The following DENND2B variants were observed in gnomAD, a reference collection of about 807,000 sequenced individuals.
DENND2B encodes DENN domain-containing protein 2B.
A neutral mutation model predicts 116.0 loss-of-function variants in DENND2B; 32 were observed. The observed-to-expected ratio is 0.28, with a 90% CI of 0.21 to 0.37. The LOEUF is 0.37. Ranked by LOEUF, DENND2B falls within the 10% of genes least tolerant of loss-of-function variation. The pLI, the probability that DENND2B is intolerant of heterozygous loss-of-function variation, is 1.00. For missense variants in DENND2B, 1,276 were observed against 1,477.7 expected, an observed-to-expected ratio of 0.86 and a Z score of 2.24; for synonymous variants, 588 against 583.9, an observed-to-expected ratio of 1.01 and a Z score of -0.10.
chr11:8,748,903 C>G (rs773449274), intron 2 of DENND2B, among the ~76,000 whole-genome samples: 2 of 152,074 alleles, frequency 1.3e-5, no homozygotes, highest in Non-Finnish European at 2.9e-5. Context: ...CCTCCCACCC[C>G]TCTACCCCAT....
intron 2 of DENND2B, among the ~76,000 whole-genome samples, chr11:8,866,281 C>CT (rs2063578839): frequency 6.6e-6 from 1 of 152,176 alleles, no homozygotes; most frequent in South Asian, 2.1e-4. Context: ...TTTCTAAGCT[C>CT]TTAGCTATCT....
At chr11:8,791,718 A>T (rs2059395619) in intron 1 of DENND2B, among the ~76,000 whole-genome samples, 1 of 151,776 alleles carries the variant, frequency 6.6e-6, no homozygotes, top group Non-Finnish European at 1.5e-5. Flanking sequence ...ATGAGCTGAG[A>T]TCATGCCACT....
chr11:8,801,631 C>T (rs555413526), intron 1 of DENND2B, among the ~76,000 whole-genome samples: 2 of 149,314 alleles, frequency 1.3e-5, no homozygotes, highest in South Asian at 2.1e-4. Context: ...GAGCCGAGAT[C>T]GTGCCATTTC....
chr11:8,702,600 G>T lies in DENND2B; in HGVS notation c.2692C>A (p.Arg898=). 1 of 1,613,378 alleles carries T rather than the reference G, an allele frequency of 6.2e-7. No individual in the cohort carries two copies. ...RIFASLLLER[R]VIFVADKLST... ...AGCTTATCTGCCACAAAAATGACCC[G>T]GCGCTCCAGCAGCAGTGAGGCAAAG... Residue 898 remains arginine (R), a synonymous_variant, in exon 14 of 20, where the codon CGG becomes AGG. Coordinates refer to ENST00000313726, the MANE Select transcript of DENND2B (RefSeq NM_213618.2). This position sits in a 1 kb window ranked among gnomAD's most constrained non-coding sequence, Gnocchi z 4.6.
In DENND2B at chr11:8,710,807, C is replaced by T. The variant is rs368557551; in HGVS notation, c.2352+38G>A. 1.9e-6 allele frequency: 3 copies of T among 1,593,908 alleles called. No homozygotes were observed. The South Asian group carries it at 3.3e-5, about 18-fold the overall frequency. ...CACACACACACACCCTGGCCTATCC[C>T]CTGCCTGCTGGCCTGAGGACCGAAT... On this transcript the variant is annotated intron_variant, in intron 11 of 19. Transcript: ENST00000313726.
rs1229923755 is a variant in DENND2B, at chr11:8,712,196, T to C, written c.2172+355A>G. Among the ~76,000 whole-genome samples the C allele has an allele frequency of 2.6e-5, 4 of 152,208 alleles. No individual in the cohort carries two copies. In the East Asian group the frequency reaches 7.7e-4, roughly 29 times the overall value. Reference sequence around the variant, plus strand: ...GGTGCAGAGTTTCTCTTTGGGGTGATAAAAATGTTCTAAAATTGACTGTGG... The same window carrying C: ...GGTGCAGAGTTTCTCTTTGGGGTGACAAAAATGTTCTAAAATTGACTGTGG... On this transcript the variant is annotated intron_variant, in intron 9 of 19. Coordinates refer to ENST00000313726, the MANE Select transcript of DENND2B (RefSeq NM_213618.2). The surrounding 1 kb of genome is among the most constrained non-coding windows in gnomAD (Gnocchi z 4.4).
chr11:8,696,809 G>T, intron 17 of DENND2B, 143 bp from the exon 18 acceptor site: 1 of 1,336,906 alleles, frequency 7.5e-7, no homozygotes, highest in Non-Finnish European at 1.0e-6. Context: ...TTGAGACCGA[G>T]TTTCACTCTT....
chr11:8,825,266 TA>T (rs1338854887), intron 4 of DENND2B, among the ~76,000 whole-genome samples: 7 of 152,226 alleles, frequency 4.6e-5, no homozygotes, highest in Admixed American at 2.0e-4. Context: ...TGCATTTCTC[TA>T]ATGATCAGTG....
At position 8,843,078 on chromosome 11, in the gene DENND2B, G is replaced by A. The variant is rs567637171; in HGVS notation, c.-155-3728C>T. 2.2e-4 allele frequency among the ~76,000 whole-genome samples: 34 copies of A among 151,838 alleles called. 1 individual carries two copies. The highest frequency in any genetic ancestry group is 4.2e-4 in the South Asian group (2 of 4,808). On this transcript the variant is annotated intron_variant, in intron 3 of 6. Coordinates refer to the DENND2B transcript ENST00000524757. ...GTCACCCAGGCTGGAGTGCAGTGGC[G>A]CGATCTCGGCTCACTGCAACATCCG...
At chr11:8,720,339 T>G (rs529576700) in intron 4 of DENND2B, among the ~76,000 whole-genome samples, 1 of 152,004 alleles carries the variant, frequency 6.6e-6, no homozygotes, top group East Asian at 1.9e-4. Context: ...AATCCAAAGC[T>G]CCAAGAAAAA....
At chr11:8,718,095 CACCCCCCCA>C in intron 4 of DENND2B, 2 of 286,218 alleles carry the variant, frequency 7.0e-6, no homozygotes, top group Admixed American at 5.5e-5. Context: ...GAAGCAGACC[CACCCCCCCA>C]CCCCCCCCAA....
intron 2 of DENND2B, among the ~76,000 whole-genome samples, chr11:8,877,100 C>CTTTTT (rs71059191): frequency 1.9e-4 from 18 of 93,070 alleles, no homozygotes; most frequent in African/African-American, 5.8e-4. Context: ...CTTGAAGATA[C>CTTTTT]TTTTTTTTTT....
chr11:8,822,646 C>G (rs371062561), intron 4 of DENND2B, among the ~76,000 whole-genome samples: 1 of 152,224 alleles, frequency 6.6e-6, no homozygotes, highest in East Asian at 1.9e-4. Flanking sequence ...ACTGTACCAT[C>G]CCCATGGCTT....
At chr11:8,886,039 C>T (rs1372960124) in intron 1 of DENND2B, among the ~76,000 whole-genome samples, 2 of 152,084 alleles carry the variant, frequency 1.3e-5, no homozygotes, top group Non-Finnish European at 1.5e-5. Context: ...CTCCCAGGTT[C>T]AAGTGATCCT....
intron 1 of DENND2B, among the ~76,000 whole-genome samples, chr11:8,754,045 A>G (rs1237902575): frequency 9.9e-5 from 15 of 152,104 alleles, no homozygotes; most frequent in Admixed American, 1.3e-4. Flanking sequence ...ACACACACAC[A>G]CACACACACA....
intron 1 of DENND2B, among the ~76,000 whole-genome samples, chr11:8,805,825 C>A (rs1056953891): frequency 7.9e-5 from 12 of 152,166 alleles, no homozygotes; most frequent in Non-Finnish European, 1.6e-4. Flanking sequence ...GATACTTCTG[C>A]GTTCCTCCCC....
At chr11:8,887,376 A>T (rs1234471763) in intron 1 of DENND2B, among the ~76,000 whole-genome samples, 1 of 152,200 alleles carries the variant, frequency 6.6e-6, no homozygotes, top group Non-Finnish European at 1.5e-5. Flanking sequence ...AATTTGCCTG[A>T]AACATTTGCT....
At chr11:8,866,022 C>T (rs917649088) in intron 2 of DENND2B, among the ~76,000 whole-genome samples, 7 of 151,982 alleles carry the variant, frequency 4.6e-5, no homozygotes, top group Non-Finnish European at 8.8e-5. Context: ...TGCAGTGGCG[C>T]GATCTCGGCT....
At chr11:8,880,384 T>TGTGTGTGTGTG (rs1566080061) in intron 2 of DENND2B, among the ~76,000 whole-genome samples, 10 of 150,098 alleles carry the variant, frequency 6.7e-5, no homozygotes, top group African/African-American at 9.8e-5. Flanking sequence ...TGTGTGTGTG[T>TGTGTGTGTGTG]AGTTTTTACT....
Sources: gnomAD v4.1 joint callset for allele counts (sites outside exome capture counted in the v4.1 genomes callset) on GRCh38, gnomAD v4.1.1 for gene constraint, Gnocchi (gnomAD v3.1) non-coding constraint, MANE v1.5 for transcripts, NCBI Gene and HGNC (gene_info 2026-07-23, HGNC 2026-07-21) for gene names.